DENND2A: variants seen among roughly 807,000 people sequenced by gnomAD.
DENND2A encodes the protein DENN domain-containing protein 2A.
A neutral mutation model predicts 105.3 loss-of-function variants in DENND2A; 53 were observed. The observed-to-expected ratio is 0.50, with a 90% CI of 0.40 to 0.63. The LOEUF (loss-of-function observed/expected upper bound fraction) is 0.63. Among genes scored for constraint, DENND2A ranks in the 30% least tolerant of loss-of-function variants. DENND2A has a pLI of 0.00. For synonymous variants in DENND2A, 522 were observed against 508.4 expected (o/e 1.03, Z -0.36); for missense variants, 1,138 against 1,279.6 (o/e 0.89, Z 1.69).
At chr7:140,550,703 C>A (rs1797097490) in intron 12 of DENND2A, among the ~76,000 whole-genome samples, 1 of 151,678 alleles carries the variant, frequency 6.6e-6, no homozygotes, top group Admixed American at 6.6e-5. Context: ...CTTAGGTGAT[C>A]CACACCTCGG....
chr7:140,556,829 A>T (rs1403471437), intron 11 of DENND2A, among the ~76,000 whole-genome samples: 1 of 152,238 alleles, frequency 6.6e-6, no homozygotes, highest in South Asian at 2.1e-4. Flanking sequence ...GTATATTCTC[A>T]GTGGAAAAAG....
At chr7:140,600,117 G>A (rs1398486468) in intron 3 of DENND2A, among the ~76,000 whole-genome samples, 1 of 152,044 alleles carries the variant, frequency 6.6e-6, no homozygotes, top group Non-Finnish European at 1.5e-5. Flanking sequence ...CTAAACAAAC[G>A]GTGATGCCAT....
chr7:140,522,547 C>T (rs1585542916), intron 17 of DENND2A, among the ~76,000 whole-genome samples: 1 of 152,076 alleles, frequency 6.6e-6, no homozygotes, highest in Non-Finnish European at 1.5e-5. Context: ...CTTCTGAACT[C>T]AAGTGATCTG....
intron 19 of DENND2A, 59 bp from the exon 20 acceptor site, chr7:140,518,797 C>CTCACCCTCCT: frequency 6.3e-7 from 1 of 1,578,230 alleles, no homozygotes; most frequent in Non-Finnish European, 8.7e-7. Context: ...TGAGATAAAT[C>CTCACCCTCCT]TTGCCCTTTC....
chr7:140,590,418 A>G (rs1365927446), intron 3 of DENND2A, among the ~76,000 whole-genome samples: 1 of 152,148 alleles, frequency 6.6e-6, no homozygotes, highest in Non-Finnish European at 1.5e-5. Flanking sequence ...AATAGAGCAC[A>G]TGTAATGCAA....
Position 140,559,939 on chromosome 7 carries a change from C to T in DENND2A, c.1780-122G>A. On this transcript the variant is annotated intron_variant, in intron 9 of 19. Coordinates refer to ENST00000496613, the MANE Select transcript of DENND2A (RefSeq NM_015689.5). The surrounding 1 kb of genome is among the most constrained non-coding windows in gnomAD (Gnocchi z 4.1). ...TTTGTGACTGCCGCCTTAGCCTCTT[C>T]CCTTGGGAAGAGCTTGCAGCTCAGT... 1.3e-6 allele frequency: 1 copy of T among 758,282 alleles called. No homozygotes were observed. Among genetic ancestry groups the T allele is most frequent in the Non-Finnish European group, 2.3e-6 (1 of 434,176 alleles). 47.0% of individuals were successfully genotyped at this position (758,282 alleles called of 1,614,324 possible).
chr7:140,585,743 G>C, intron 4 of DENND2A, 33 bp from the exon 5 acceptor site: 2 of 1,613,800 alleles, frequency 1.2e-6, no homozygotes, highest in Non-Finnish European at 1.7e-6. Context: ...AGGAACCTGG[G>C]AACACTGAGG....
rs558114693 is a variant in DENND2A at position 140,633,132 on chromosome 7, C to A, written c.-248+7372G>T. ...CAAGCTCCGCCTCCCGCGTTCACAC[C>A]ATTCTCCTGTCTCAGCCTCCTGAGT... On this transcript the variant is annotated intron_variant, in intron 1 of 19. Transcript: ENST00000496613. Among the ~76,000 whole-genome samples, 10 of 151,582 alleles carry A rather than the reference C, an allele frequency of 6.6e-5. No homozygotes were observed. The South Asian group carries it at 1.7e-3, about 25-fold the overall frequency.
chr7:140,543,401 C>A (rs569205176), intron 14 of DENND2A, among the ~76,000 whole-genome samples: 1 of 150,806 alleles, frequency 6.6e-6, no homozygotes, highest in Non-Finnish European at 1.5e-5. Context: ...TCCTAAAGTG[C>A]GGTGATTACA....
intron 3 of DENND2A, among the ~76,000 whole-genome samples, chr7:140,590,267 G>T (rs540644734): frequency 1.3e-5 from 2 of 152,232 alleles, no homozygotes; most frequent in East Asian, 3.9e-4. Flanking sequence ...GTGTGCACCT[G>T]TAATCTCAGC....
chr7:140,541,383 C>T (rs978645207), intron 14 of DENND2A, among the ~76,000 whole-genome samples: 2 of 152,096 alleles, frequency 1.3e-5, no homozygotes, highest in Non-Finnish European at 2.9e-5. Context: ...AGCATCTTCA[C>T]CCCGCAGGCA....
At chr7:140,522,721 C>A (rs1309162131) in intron 17 of DENND2A, among the ~76,000 whole-genome samples, 1 of 151,786 alleles carries the variant, frequency 6.6e-6, no homozygotes, top group South Asian at 2.1e-4. Flanking sequence ...GATTCTCCTG[C>A]CTCAGACTCC....
intron 5 of DENND2A, among the ~76,000 whole-genome samples, chr7:140,579,293 AAATAAT>A (rs199505480): frequency 6.6e-6 from 1 of 151,906 alleles, no homozygotes. Context: ...CTCTGTCTCA[AAATAAT>A]AATAATAATA....
intron 9 of DENND2A, among the ~76,000 whole-genome samples, chr7:140,563,886 G>A (rs990279733): frequency 3.4e-4 from 52 of 152,176 alleles, no homozygotes; most frequent in South Asian, 1.0e-3. Flanking sequence ...GATGAGGCGG[G>A]AAGGCTCACT....
At chr7:140,596,591 T>C (rs1799292664) in intron 3 of DENND2A, among the ~76,000 whole-genome samples, 1 of 152,212 alleles carries the variant, frequency 6.6e-6, no homozygotes, top group Non-Finnish European at 1.5e-5. Context: ...ATATAATGAC[T>C]GAGGTTTCAC....
At chr7:140,620,672 C>T (rs1800256397) in intron 1 of DENND2A, among the ~76,000 whole-genome samples, 1 of 152,246 alleles carries the variant, frequency 6.6e-6, no homozygotes, top group Non-Finnish European at 1.5e-5. Flanking sequence ...GCCACGACCA[C>T]AGCTGCAGGG....
chr7:140,574,067 T>C, intron 5 of DENND2A, 59 bp from the exon 6 acceptor site: 2 of 1,578,504 alleles, frequency 1.3e-6, no homozygotes, highest in East Asian at 2.2e-5. Context: ...GACCGGGGGA[T>C]AACTGGTGGT....
intron 11 of DENND2A, among the ~76,000 whole-genome samples, chr7:140,557,395 T>C (rs1224117540): frequency 6.6e-6 from 1 of 150,726 alleles, no homozygotes; most frequent in Non-Finnish European, 1.5e-5. Flanking sequence ...AGTGAGACCC[T>C]GTCTCAAAAT....
intron 15 of DENND2A, 33 bp from the exon 16 acceptor site, chr7:140,525,825 C>A (rs747299398): frequency 2.1e-5 from 33 of 1,575,176 alleles, no homozygotes; most frequent in Non-Finnish European, 2.7e-5. Flanking sequence ...CTGTTACTGT[C>A]ACCAGGGCTT....
Sources: allele counts gnomAD v4.1 joint callset (sites outside exome capture counted in the v4.1 genomes callset), GRCh38; gene constraint gnomAD v4.1.1; non-coding constraint Gnocchi (gnomAD v3.1); transcripts MANE v1.5; gene names NCBI Gene and HGNC (gene_info 2026-07-23, HGNC 2026-07-21).